Variants in PCDH11Y observed in about 807,000 individuals in gnomAD.
The protein encoded by PCDH11Y is protocadherin-11 Y-linked.
For synonymous variants in PCDH11Y, 9 were observed against 83.6 expected (o/e 0.11, Z 4.87); for missense variants, 12 against 224.8 (o/e 0.05, Z 6.05).
intron 2 of PCDH11Y, among the ~76,000 whole-genome samples, chrY:5,171,406 TG>T (rs2052886361): frequency 3.0e-5 from 1 of 32,975 alleles, no homozygotes; most frequent in South Asian, 6.7e-4. Context: ...ATTCCTTAGA[TG>T]GAAATGCCTT....
At chrY:5,107,358 T>C, downstream of PCDH11Y, among the ~76,000 whole-genome samples, 1 of 33,676 alleles carries the variant, frequency 3.0e-5, no homozygotes. Context: ...TATTTACCCA[T>C]ATAAGCCAAT....
intron 3 of PCDH11Y, among the ~76,000 whole-genome samples, chrY:5,517,010 G>T (rs2053373263): frequency 3.0e-5 from 1 of 33,480 alleles, no homozygotes; most frequent in African/African-American, 1.2e-4. Flanking sequence ...CTGCAAATGT[G>T]TTTTTTCAAG....
intron 2 of PCDH11Y, among the ~76,000 whole-genome samples, chrY:5,300,592 T>C: frequency 3.0e-5 from 1 of 32,871 alleles, no homozygotes; most frequent in Admixed American, 2.9e-4. Flanking sequence ...CTTGTTGGTA[T>C]GCCATGCCTT....
At chrY:5,206,877 A>G in intron 2 of PCDH11Y, among the ~76,000 whole-genome samples, 2 of 29,060 alleles carry the variant, frequency 6.9e-5, no homozygotes, top group Non-Finnish European at 1.6e-4. Context: ...GATTCTCAGG[A>G]AATCACAATT....
At chrY:5,458,635 A>G in intron 2 of PCDH11Y, among the ~76,000 whole-genome samples, 16 of 30,917 alleles carry the variant, frequency 5.2e-4, no homozygotes, top group African/African-American at 2.0e-3. Context: ...TGTTTAAACA[A>G]CATTATATGT....
At chrY:5,060,609 T>C (rs1466836860) in intron 1 of PCDH11Y, among the ~76,000 whole-genome samples, 2 of 28,425 alleles carry the variant, frequency 7.0e-5, no homozygotes, top group Non-Finnish European at 8.0e-5. Flanking sequence ...TGGTAAATGA[T>C]AGAGGTAGGA....
chrY:5,617,357 G>A, intron 4 of PCDH11Y, among the ~76,000 whole-genome samples: 1 of 33,279 alleles, frequency 3.0e-5, no homozygotes, highest in Non-Finnish European at 7.4e-5. Context: ...TAATTTGACC[G>A]TTATTTCAGA....
intron 2 of PCDH11Y, among the ~76,000 whole-genome samples, chrY:5,364,884 A>G: frequency 3.0e-5 from 1 of 33,042 alleles, no homozygotes; most frequent in Non-Finnish European, 7.5e-5. Context: ...TTTTTAGTTC[A>G]ACATCTAAGT....
At chrY:5,407,641 C>G in intron 2 of PCDH11Y, among the ~76,000 whole-genome samples, 2 of 32,661 alleles carry the variant, frequency 6.1e-5, no homozygotes, top group Non-Finnish European at 1.5e-4. Context: ...GGGCCAGGCA[C>G]GGTGGCTGAG....
intron 2 of PCDH11Y, among the ~76,000 whole-genome samples, chrY:5,425,514 T>A: frequency 3.0e-5 from 1 of 33,233 alleles, no homozygotes; most frequent in African/African-American, 1.2e-4. Flanking sequence ...TATGGTAGAC[T>A]GTTTTCTGCT....
chrY:5,335,572 C>G, intron 2 of PCDH11Y, among the ~76,000 whole-genome samples: 2 of 31,293 alleles, frequency 6.4e-5, no homozygotes, highest in African/African-American at 2.5e-4. Context: ...TTCACCTGGA[C>G]AGACCTTCTA....
At chrY:5,412,278 A>AT (rs2053247986) in intron 2 of PCDH11Y, among the ~76,000 whole-genome samples, 1 of 31,549 alleles carries the variant, frequency 3.2e-5, no homozygotes, top group Admixed American at 3.0e-4. Flanking sequence ...TTGTACATTG[A>AT]TTTTGTATCC....
chrY:5,046,501 A>G (rs2052640121), intron 3 of PCDH11Y, among the ~76,000 whole-genome samples: 1 of 33,878 alleles, frequency 3.0e-5, no homozygotes, highest in Admixed American at 2.6e-4. Flanking sequence ...TGGGAGAACC[A>G]CTGCTCTCTT....
At chrY:5,733,031 C>T in intron 4 of PCDH11Y, among the ~76,000 whole-genome samples, 2 of 33,352 alleles carry the variant, frequency 6.0e-5, no homozygotes, top group Non-Finnish European at 1.5e-4. Flanking sequence ...AGATGTTTAT[C>T]TCTTTCTTTA....
At chrY:5,134,237 A>G in intron 2 of PCDH11Y, among the ~76,000 whole-genome samples, 1 of 33,228 alleles carries the variant, frequency 3.0e-5, no homozygotes, top group Admixed American at 2.7e-4. Context: ...ATCAGTTCAA[A>G]TGGTTTTTTT....
At chrY:5,551,934 A>G (rs1278703236) in intron 3 of PCDH11Y, among the ~76,000 whole-genome samples, 4 of 32,241 alleles carry the variant, frequency 1.2e-4, no homozygotes, top group Admixed American at 2.8e-4. Flanking sequence ...ACACAAGTTT[A>G]CCTGTTTTTA....
Position 5,115,524 on chromosome Y carries a change from G to A in PCDH11Y, c.3129+14817G>A, listed in dbSNP as rs572376210. Among the ~76,000 whole-genome samples the A allele has an allele frequency of 1.9e-3, 57 of 30,615 alleles. No individual in the cohort carries two copies. In the South Asian group the frequency reaches 0.039, roughly 21 times the overall value. 82.1% of individuals were successfully genotyped at this position (30,615 alleles called of 37,273 possible). A position where few individuals can be genotyped will look rare whatever the true frequency, so the allele number is the denominator to read the frequency against. ...CAATTTTGGGAAAACATGAACAGAT[G>A]GAGAAACCATGGGATATCAAATGTA... On this transcript the variant is annotated intron_variant, in intron 2 of 4. Coordinates refer to the PCDH11Y transcript ENST00000400457.
chrY:5,408,732 G>A (rs2053243582), intron 2 of PCDH11Y, among the ~76,000 whole-genome samples: 1 of 33,814 alleles, frequency 3.0e-5, no homozygotes, highest in Admixed American at 2.7e-4. Flanking sequence ...GTGAGCCACT[G>A]TGCCCTGCCA....
At chrY:5,233,370 G>A (rs2052970269) in intron 2 of PCDH11Y, among the ~76,000 whole-genome samples, 1 of 31,990 alleles carries the variant, frequency 3.1e-5, no homozygotes, top group Admixed American at 2.9e-4. Context: ...ACAAACTATT[G>A]TACTGATCAA....
Sources: allele counts gnomAD v4.1 joint callset (sites outside exome capture counted in the v4.1 genomes callset), GRCh38; gene constraint gnomAD v4.1.1; transcripts MANE v1.5; gene names NCBI Gene and HGNC (gene_info 2026-07-23, HGNC 2026-07-21).